PLXNB1: variants seen among roughly 807,000 people sequenced by gnomAD.
PLXNB1 encodes the protein plexin-B1.
A neutral mutation model predicts 209.4 loss-of-function variants in PLXNB1; 106 were observed. That is an observed-to-expected ratio of 0.51 (90% confidence interval 0.43 to 0.59). The LOEUF (loss-of-function observed/expected upper bound fraction) is 0.59. Ranked by LOEUF, PLXNB1 falls within the 20% of genes least tolerant of loss-of-function variation. The pLI is 0.00. For synonymous variants in PLXNB1, 1,167 were observed against 1,183.2 expected (o/e 0.99, Z 0.28); for missense variants, 2,357 against 2,853.2 (o/e 0.83, Z 3.96).
At position 48,413,291 on chromosome 3, in the gene PLXNB1, A is replaced by G. The variant is rs1044734470; in HGVS notation, c.4536-122T>C. 2 of 787,230 alleles carry G rather than the reference A, an allele frequency of 2.5e-6. No individual in the cohort carries two copies. The highest frequency in any genetic ancestry group is 4.3e-6 in the Non-Finnish European group (2 of 464,700). The allele number at this position is 787,230 out of a possible 1,614,324, so 48.8% of individuals were successfully genotyped here. ...CAGTCCAATGCAGCCATGCCAGCCA[A>G]GCTCAAGCCTAGCCCAGTACGATTC... On this transcript the variant is annotated intron_variant, in intron 23 of 37. Transcript: ENST00000296440. This position sits in a 1 kb window ranked among gnomAD's most constrained non-coding sequence, Gnocchi z 5.4.
rs200874579 is a variant in PLXNB1 at position 48,419,975 on chromosome 3, C to T, written c.2311G>A (p.Ala771Thr). Residue 771 changes from alanine to threonine, a missense_variant, in exon 11 of 38, where the codon GCT (alanine) becomes ACT (threonine). By Grantham distance (58) the Ala-to-Thr change is moderately conservative. Transcript: ENST00000296440. The surrounding 1 kb of genome is among the most constrained non-coding windows in gnomAD (Gnocchi z 5.7). ...CTGAAGTCAGTGGGGGCAGGGACAGCGGTTCCAGGTCCATTTTGGGGGCTG... is the reference window on the plus strand; with the variant it reads ...CTGAAGTCAGTGGGGGCAGGGACAGTGGTTCCAGGTCCATTTTGGGGGCTG... ...PPSPQNGPGT[A>T]VPAPTDFRPS... is the part of the protein sequence containing the mutation. 10 of 1,586,270 alleles carry T rather than the reference C, an allele frequency of 6.3e-6. No homozygotes were observed. Among genetic ancestry groups the T allele is most frequent in the Non-Finnish European group, 8.6e-6 (10 of 1,164,360 alleles).
In PLXNB1 at chr3:48,405,613, C is replaced by T; in HGVS notation, c.6303+111G>A. 1.2e-6 allele frequency: 1 copy of T among 832,758 alleles called. No homozygotes were observed. The highest frequency in any genetic ancestry group is 1.9e-6 in the Non-Finnish European group (1 of 518,084). The allele number at this position is 832,758 out of a possible 1,614,324, so 51.6% of individuals were successfully genotyped here. A position where few individuals can be genotyped will look rare whatever the true frequency, so the allele number is the denominator to read the frequency against. ...CCAAGGGGCCCGGCCCCCCACTACT[C>T]TGTCCCTGGGGAAGACCAAAGCCCC... is the stretch of plus-strand genomic sequence containing the variant. On this transcript the variant is annotated intron_variant, in intron 37 of 37. Coordinates refer to ENST00000296440, the MANE Select transcript of PLXNB1 (RefSeq NM_001130082.3). The surrounding 1 kb of genome is among the most constrained non-coding windows in gnomAD (Gnocchi z 5.0).
At chr3:48,421,837 C>T (rs2038546728) in intron 6 of PLXNB1, 31 bp from the exon 7 acceptor site, 3 of 1,582,252 alleles carry the variant, frequency 1.9e-6, no homozygotes, top group Non-Finnish European at 2.6e-6. Flanking sequence ...CTATCTGTGA[C>T]CCTCATGGGC....
chr3:48,414,126 C>G, intron 21 of PLXNB1, 55 bp from the exon 22 acceptor site: 1 of 1,572,872 alleles, frequency 6.4e-7, no homozygotes. Context: ...AGATCCTGTC[C>G]TCCCCAAATG....
chr3:48,411,899 G>A lies in PLXNB1; in HGVS notation c.5211C>T (p.Asn1737=). 1.2e-6 allele frequency: 2 copies of A among 1,614,154 alleles called. No homozygotes were observed. The highest frequency in any genetic ancestry group is 2.2e-5 in the East Asian group (1 of 44,886). The change falls in exon 28 of 38, where the codon AAC becomes AAT. Residue 1737 remains asparagine, a synonymous_variant. Coordinates refer to ENST00000296440, the MANE Select transcript of PLXNB1 (RefSeq NM_001130082.3). This position sits in a 1 kb window ranked among gnomAD's most constrained non-coding sequence, Gnocchi z 4.0. Reference sequence around the variant, plus strand: ...ACTCCACATCCTCTCTGAGCAGGCGGTTGTCGTTCAAGGTGTATTTGGCCT... The same window carrying A: ...ACTCCACATCCTCTCTGAGCAGGCGATTGTCGTTCAAGGTGTATTTGGCCT... ...TGKAKYTLND[N]RLLREDVEYR...
At chr3:48,412,137 C>T in intron 27 of PLXNB1, 101 bp downstream of exon 27, 1 of 1,490,298 alleles carries the variant, frequency 6.7e-7, no homozygotes, top group South Asian at 1.2e-5. Flanking sequence ...GGAGTCTCTG[C>T]TCTGGCACAA....
At chr3:48,412,106 G>A in intron 27 of PLXNB1, 97 bp from the exon 28 acceptor site, 2 of 1,486,712 alleles carry the variant, frequency 1.3e-6, no homozygotes, top group Non-Finnish European at 1.9e-6. Flanking sequence ...GGGCTTAAGG[G>A]GACTGAGGAC....
chr3:48,429,297 G>T lies in PLXNB1; in HGVS notation c.-60+711C>A, dbSNP rs1423988246. ...GGATGTGCGCGCCGAGGCGGGCGTC[G>T]GCCGCTCCGGGCTCGGGCTCCGCGC... On this transcript the variant is annotated intron_variant, in intron 1 of 37. Transcript: ENST00000296440. This position sits in a 1 kb window ranked among gnomAD's most constrained non-coding sequence, Gnocchi z 6.4. The T allele has an allele frequency of 1.3e-5, 2 of 151,294 alleles. No individual in the cohort carries two copies. Among genetic ancestry groups the T allele is most frequent in the Non-Finnish European group, 1.5e-5 (1 of 67,730 alleles). 9.4% of individuals were successfully genotyped at this position (151,294 alleles called of 1,614,324 possible).
chr3:48,424,647 G>A (rs1449349752), intron 2 of PLXNB1, 30 bp from the exon 3 acceptor site: 5 of 1,526,722 alleles, frequency 3.3e-6, no homozygotes, highest in Admixed American at 3.9e-5. Context: ...AGAGAGTGGG[G>A]CTCACGTGGC....
Position 48,422,432 on chromosome 3 carries a change from G to A in PLXNB1, c.1318C>T (p.His440Tyr), listed in dbSNP as rs746813219. 5.6e-6 allele frequency: 9 copies of A among 1,596,892 alleles called. No homozygotes were observed. Among genetic ancestry groups the A allele is most frequent in the Non-Finnish European group, 6.8e-6 (8 of 1,171,892 alleles). The change falls in exon 5 of 38, where the codon CAC (histidine) becomes TAC (tyrosine). Residue 440 changes from histidine to tyrosine, a missense_variant. Coordinates refer to ENST00000296440, the MANE Select transcript of PLXNB1 (RefSeq NM_001130082.3). ...TGGATGCTCTGTGTGGAGTATGGGTGGCCATCGCTCCCTGGGCCCAAGTAG... is the reference window on the plus strand; with the variant it reads ...TGGATGCTCTGTGTGGAGTATGGGTAGCCATCGCTCCCTGGGCCCAAGTAG... ...RVYLGPGSDG[H>Y]PYSTQSIQQG...
rs1200574089 is a variant in PLXNB1 at position 48,430,069 on chromosome 3, A to C, written c.-121T>G. ...CTGGCCCTGCCCACCGCCCCTGCTC[A>C]CCGCCCCTGCTCCCACTACTCCCCA... On this transcript the variant is annotated 5_prime_UTR_variant, in exon 1 of 38. Coordinates refer to ENST00000296440, the MANE Select transcript of PLXNB1 (RefSeq NM_001130082.3). 1 of 151,898 alleles carries C rather than the reference A, an allele frequency of 6.6e-6. No individual in the cohort carries two copies. The highest frequency in any genetic ancestry group is 6.6e-5 in the Admixed American group (1 of 15,226). 9.4% of individuals were successfully genotyped at this position (151,898 alleles called of 1,614,324 possible). A position where few individuals can be genotyped will look rare whatever the true frequency, so the allele number is the denominator to read the frequency against.
Position 48,420,702 on chromosome 3 carries a change from G to A in PLXNB1, c.1991C>T (p.Ala664Val). 6.2e-7 allele frequency: 1 copy of A among 1,613,998 alleles called. No individual in the cohort carries two copies. Among genetic ancestry groups the A allele is most frequent in the Non-Finnish European group, 8.5e-7 (1 of 1,179,996 alleles). The change falls in exon 10 of 38, where the codon GCC (alanine) becomes GTC (valine). Residue 664 changes from alanine (A) to valine (V), a missense_variant. By Grantham distance (64) the Ala-to-Val change is moderately conservative. Transcript: ENST00000296440. ...CVWQHLCTHK[A>V]SCDAGPMVAS... The stretch of plus-strand genomic sequence containing the variant: ...AACCATGGGCCCAGCATCACACGAG[G>A]CCTTGTGGGTGCACAGGTGCTGCCA...
rs200514394 is a variant in PLXNB1, at chr3:48,422,929, G to A, written c.1126C>T (p.Pro376Ser). The change falls in exon 4 of 38, where the codon CCC (proline) becomes TCC (serine). Residue 376 changes from proline to serine, a missense_variant. By Grantham distance (74) the Pro-to-Ser change is moderately conservative. Transcript: ENST00000296440. ...QLPVDTLDAY[P>S]CGSDHTPSPM... ...CTGGGCGTGTGGTCTGAGCCACAGG[G>A]ATAAGCATCCAGGGTGTCCTATAGG... 197 of 1,613,844 alleles carry A rather than the reference G, an allele frequency of 1.2e-4. 1 individual carries two copies. In the East Asian group the frequency reaches 4.1e-3, roughly 33 times the overall value.
rs2037623539 is a variant in PLXNB1, at chr3:48,410,699, C to A, written c.5417-141G>T. The A allele has an allele frequency of 2.1e-6, 2 of 934,682 alleles. No individual in the cohort carries two copies. The highest frequency in any genetic ancestry group is 3.3e-6 in the Non-Finnish European group (2 of 614,540). The allele number at this position is 934,682 out of a possible 1,614,324, so 57.9% of individuals were successfully genotyped here. The stretch of plus-strand genomic sequence containing the variant: ...CCTCTCCAAAGACCAAGAGCAGGGA[C>A]CCCCTCCCCAGATGAGAGGCTGTCC... On this transcript the variant is annotated intron_variant, in intron 29 of 37. Transcript: ENST00000296440. This position sits in a 1 kb window ranked among gnomAD's most constrained non-coding sequence, Gnocchi z 6.4.
At chr3:48,428,121 G>C (rs1269256482) in intron 1 of PLXNB1, among the ~76,000 whole-genome samples, 1 of 152,162 alleles carries the variant, frequency 6.6e-6, no homozygotes, top group Non-Finnish European at 1.5e-5. Flanking sequence ...CCTGTATGGT[G>C]AACGAACCCC....
chr3:48,424,875 C>G (rs983956938), intron 2 of PLXNB1, among the ~76,000 whole-genome samples: 4 of 152,164 alleles, frequency 2.6e-5, no homozygotes, highest in African/African-American at 9.7e-5. Flanking sequence ...CTCAGGAGAC[C>G]TGCACCCCAC....
At position 48,418,117 on chromosome 3, in the gene PLXNB1, C is replaced by A; in HGVS notation, c.3223-55G>T. 6.2e-7 allele frequency: 1 copy of A among 1,607,510 alleles called. No homozygotes were observed. Among genetic ancestry groups the A allele is most frequent in the South Asian group, 1.1e-5 (1 of 90,614 alleles). The stretch of plus-strand genomic sequence containing the variant: ...ACTCAACTGGAAAGGCAGCCCCAAC[C>A]TCCCACCTTTGGGCCCCCACACCCT... On this transcript the variant is annotated intron_variant, in intron 15 of 37. Transcript: ENST00000296440. The surrounding 1 kb of genome is among the most constrained non-coding windows in gnomAD (Gnocchi z 6.6).
chr3:48,407,915 C>CT (rs1233413715), intron 34 of PLXNB1, among the ~76,000 whole-genome samples: 2 of 152,216 alleles, frequency 1.3e-5, no homozygotes, highest in Non-Finnish European at 2.9e-5. Context: ...TGGTGTGGCC[C>CT]TTTGATTCTT....
In PLXNB1 at chr3:48,429,369, A is replaced by C. The variant is rs1056889353; in HGVS notation, c.-60+639T>G. 4 of 151,074 alleles carry C rather than the reference A, an allele frequency of 2.6e-5. No homozygotes were observed. The highest frequency in any genetic ancestry group is 9.7e-5 in the African/African-American group (4 of 41,256). 9.4% of individuals were successfully genotyped at this position (151,074 alleles called of 1,614,324 possible). On this transcript the variant is annotated intron_variant, in intron 1 of 37. Coordinates refer to ENST00000296440, the MANE Select transcript of PLXNB1 (RefSeq NM_001130082.3). This position sits in a 1 kb window ranked among gnomAD's most constrained non-coding sequence, Gnocchi z 6.4. ...TGGCGGAGCCGCAGCTGTTACCCGG[A>C]GACCGAGGGGCGGAAAACTGCGCCC... is the stretch of plus-strand genomic sequence containing the variant.
Sources: gnomAD v4.1 joint callset for allele counts (sites outside exome capture counted in the v4.1 genomes callset) on GRCh38, gnomAD v4.1.1 for gene constraint, Gnocchi (gnomAD v3.1) non-coding constraint, MANE v1.5 for transcripts, NCBI Gene and HGNC (gene_info 2026-07-23, HGNC 2026-07-21) for gene names.